TEX35: variants seen among roughly 807,000 people sequenced by gnomAD.
The protein encoded by TEX35 is testis-expressed protein 35.
A neutral mutation model predicts 31.9 loss-of-function variants in TEX35; 26 were observed. The observed-to-expected ratio is 0.81, with a 90% CI of 0.60 to 1.13. The LOEUF is 1.13. Ranked by LOEUF, TEX35 falls within the 50% of genes most tolerant of loss-of-function variation. The probability of loss-of-function intolerance (pLI) is 0.00; values close to 1 mark genes in which losing one functional copy is unlikely to be tolerated. For synonymous variants in TEX35, 87 were observed against 90.7 expected, an observed-to-expected ratio of 0.96 and a Z score of 0.23; for missense variants, 278 against 273.5, an observed-to-expected ratio of 1.02 and a Z score of -0.12.
At chr1:178,514,207 G>A (rs749911674) in intron 2 of TEX35, 130 bp downstream of exon 2, 53 of 1,575,094 alleles carry the variant, frequency 3.4e-5, no homozygotes, top group Middle Eastern at 1.7e-4. Flanking sequence ...TGCACTGAGA[G>A]TTCTTGCTCT....
At chr1:178,515,799 G>A in intron 3 of TEX35, 60 bp from the exon 4 acceptor site, 1 of 1,359,894 alleles carries the variant, frequency 7.4e-7, no homozygotes, top group Non-Finnish European at 1.0e-6. Context: ...TCCTGTTGAT[G>A]GTTTCCCCTC....
At position 178,514,733 on chromosome 1, in the gene TEX35, C is replaced by T. The variant is rs144999625; in HGVS notation, c.124C>T (p.Arg42Trp). 9,831 of 1,613,870 alleles carry T rather than the reference C, an allele frequency of 6.1e-3. 43 individuals are homozygous for T. The highest frequency in any genetic ancestry group is 7.4e-3 in the Middle Eastern group (45 of 6,060). ...TTACAAAGCAGTTAAACAAGAAGGG[C>T]GGTTTACCAAAGCAGGAGTGACACA... ...FDYKAVKQEG[R>W]FTKAGVTQDL... Residue 42 changes from arginine to tryptophan, a missense_variant, in exon 3 of 9, where the codon CGG becomes TGG. Coordinates refer to ENST00000319416, the MANE Select transcript of TEX35 (RefSeq NM_032126.5).
chr1:178,521,924 T>C (rs1180102745), intron 8 of TEX35: 1 of 1,255,704 alleles, frequency 8.0e-7, no homozygotes, highest in South Asian at 1.6e-5. Flanking sequence ...TGCTTCCTGA[T>C]GGATTGGTGG....
At chr1:178,520,941 C>A (rs745415293) in intron 7 of TEX35, 67 bp downstream of exon 7, 7 of 1,595,250 alleles carry the variant, frequency 4.4e-6, no homozygotes, top group Non-Finnish European at 6.0e-6. Context: ...CTGGTGACTT[C>A]CCCGAGCTTG....
chr1:178,521,791 A>G, intron 8 of TEX35: 1 of 1,549,100 alleles, frequency 6.5e-7, no homozygotes, highest in Non-Finnish European at 8.7e-7. Flanking sequence ...CTGGAGATTA[A>G]AAACCTTCAT....
intron 5 of TEX35, among the ~76,000 whole-genome samples, chr1:178,517,653 A>C (rs1438480624): frequency 6.6e-6 from 1 of 152,232 alleles, no homozygotes; most frequent in Non-Finnish European, 1.5e-5. Flanking sequence ...CAAGTTGAGA[A>C]TCACAGCTCT....
At position 178,515,911 on chromosome 1, in the gene TEX35, A is replaced by T. The variant is rs1383422244; in HGVS notation, c.212A>T (p.Lys71Ile). The part of the protein sequence containing the change: ...EELKEKMEEI[K>I]QIKDLMDKDF... Reference sequence around the variant, plus strand: ...CTCAAGGAGAAAATGGAGGAGATAAAACAGGTAAGAAGATGAGGCCTTCCA... The same window carrying T: ...CTCAAGGAGAAAATGGAGGAGATAATACAGGTAAGAAGATGAGGCCTTCCA... The change falls in exon 4 of 9, where the codon AAA becomes ATA. Residue 71 changes from lysine (K) to isoleucine (I), a missense_variant. Coordinates refer to ENST00000319416, the MANE Select transcript of TEX35 (RefSeq NM_032126.5). The T allele has an allele frequency of 6.2e-7, 1 of 1,611,734 alleles. No individual in the cohort carries two copies. The highest frequency in any genetic ancestry group is 8.5e-7 in the Non-Finnish European group (1 of 1,178,236).
chr1:178,514,888 A>G (rs1650017982), intron 3 of TEX35, 120 bp downstream of exon 3: 2 of 802,788 alleles, frequency 2.5e-6, no homozygotes, highest in Non-Finnish European at 4.1e-6. Flanking sequence ...GCACAGTGCA[A>G]TTATCAAAAT....
intron 8 of TEX35, chr1:178,521,663 C>T: frequency 6.4e-7 from 1 of 1,552,172 alleles, no homozygotes; most frequent in African/African-American, 1.4e-5. Context: ...ATATGTGTTT[C>T]CAACCTAGCG....
At chr1:178,520,252 C>A in intron 5 of TEX35, 120 bp from the exon 6 acceptor site, 1 of 1,013,474 alleles carries the variant, frequency 9.9e-7, no homozygotes, top group Non-Finnish European at 1.5e-6. Flanking sequence ...AGCCACCTCA[C>A]CCAAGTCTAG....
In TEX35 at chr1:178,516,688, G is replaced by A; in HGVS notation, c.276+14G>A. The stretch of plus-strand genomic sequence containing the variant: ...GAAATTATGAAGGTAAGCATTACTT[G>A]AGTGCCTTCCATGGGCCAGTACCAT... On this transcript the variant is annotated intron_variant, in intron 5 of 8. Coordinates refer to ENST00000319416, the MANE Select transcript of TEX35 (RefSeq NM_032126.5). 6.3e-7 allele frequency: 1 copy of A among 1,597,904 alleles called. No individual in the cohort carries two copies. Among genetic ancestry groups the A allele is most frequent in the Non-Finnish European group, 8.6e-7 (1 of 1,169,148 alleles).
chr1:178,518,492 A>T (rs924161636), intron 5 of TEX35, among the ~76,000 whole-genome samples: 20 of 152,186 alleles, frequency 1.3e-4, no homozygotes, highest in Non-Finnish European at 1.5e-5. Context: ...CAAATAAATT[A>T]TGAAATACTT....
intron 5 of TEX35, among the ~76,000 whole-genome samples, chr1:178,518,294 G>C (rs1650151800): frequency 6.6e-6 from 1 of 151,866 alleles, no homozygotes. Flanking sequence ...TACAAAACTG[G>C]AACATTGTTA....
At chr1:178,522,732 T>C, downstream of TEX35, 1 of 976,590 alleles carries the variant, frequency 1.0e-6, no homozygotes, top group Non-Finnish European at 1.3e-6. Context: ...ATGAGATGTT[T>C]TGACAAAGTT....
At chr1:178,513,557 T>A (rs1649952158) in intron 1 of TEX35, among the ~76,000 whole-genome samples, 1 of 152,242 alleles carries the variant, frequency 6.6e-6, no homozygotes, top group African/African-American at 2.4e-5. Flanking sequence ...AGGCTCAGAA[T>A]AACCTTATTA....
intron 5 of TEX35, among the ~76,000 whole-genome samples, chr1:178,518,547 ATATT>A (rs1475626716): frequency 6.6e-5 from 10 of 152,182 alleles, no homozygotes; most frequent in Non-Finnish European, 2.9e-5. Context: ...TTTAGAAAGA[ATATT>A]TATAATAAGA....
At position 178,520,755 on chromosome 1, in the gene TEX35, A is replaced by G; in HGVS notation, c.424A>G (p.Lys142Glu). 1 of 1,614,158 alleles carries G rather than the reference A, an allele frequency of 6.2e-7. No homozygotes were observed. Among genetic ancestry groups the G allele is most frequent in the Non-Finnish European group, 8.5e-7 (1 of 1,180,020 alleles). Residue 142 changes from lysine to glutamate, a missense_variant, in exon 7 of 9, where the codon AAA becomes GAA. Lys to Glu is a moderately conservative substitution (Grantham distance 56). Coordinates refer to ENST00000319416, the MANE Select transcript of TEX35 (RefSeq NM_032126.5). Reference protein sequence around the residue: ...THREPQLRPKKMDGASGVNGA... With the variant: ...THREPQLRPKEMDGASGVNGA... ...CAGAGAACCACAGCTCAGGCCCAAG[A>G]AAATGGATGGAGCCAGTGGAGTCAA...
In TEX35 at chr1:178,520,453, C is replaced by G; in HGVS notation, c.341+17C>G. The G allele has an allele frequency of 1.2e-6, 2 of 1,614,100 alleles. No homozygotes were observed. Among genetic ancestry groups the G allele is most frequent in the Non-Finnish European group, 1.7e-6 (2 of 1,180,004 alleles). On this transcript the variant is annotated intron_variant, in intron 6 of 8. Coordinates refer to ENST00000319416, the MANE Select transcript of TEX35 (RefSeq NM_032126.5). Reference sequence around the variant, plus strand: ...CTATAAGCTGTAAGTGTAACCTGCACTCGTCTCTCCTCATCCCTAAAGGGT... The same window carrying G: ...CTATAAGCTGTAAGTGTAACCTGCAGTCGTCTCTCCTCATCCCTAAAGGGT...
rs759732968 is a variant in TEX35, at chr1:178,520,367, C to T, written c.277-5C>T. ...AAGATGCTAGTTCTGAATTCTCTCTCGAAGGAAATGCAGAAAGATATGGAT... is the reference window on the plus strand; with the variant it reads ...AAGATGCTAGTTCTGAATTCTCTCTTGAAGGAAATGCAGAAAGATATGGAT... On this transcript the variant is annotated splice_polypyrimidine_tract_variant and splice_region_variant and intron_variant, in intron 5 of 8. Coordinates refer to ENST00000319416, the MANE Select transcript of TEX35 (RefSeq NM_032126.5). 6.8e-6 allele frequency: 11 copies of T among 1,612,624 alleles called. No individual in the cohort carries two copies. Among genetic ancestry groups the T allele is most frequent in the South Asian group, 4.4e-5 (4 of 90,666 alleles).
Sources: gnomAD v4.1 joint callset for allele counts (sites outside exome capture counted in the v4.1 genomes callset) on GRCh38, gnomAD v4.1.1 for gene constraint, MANE v1.5 for transcripts, NCBI Gene and HGNC (gene_info 2026-07-23, HGNC 2026-07-21) for gene names.